Variants in DENND5B observed in about 807,000 individuals in gnomAD.
The protein encoded by DENND5B is DENN domain containing 5B, also known as DENN domain-containing protein 5B.
DENND5B carries 34 observed loss-of-function variants against 140.6 expected under a neutral mutation model. The ratio of observed to expected loss-of-function variants is 0.24; its 90% CI spans 0.18 to 0.32. DENND5B has a LOEUF of 0.32. Among genes scored for constraint, DENND5B ranks in the 10% least tolerant of loss-of-function variants. The pLI, the probability that DENND5B is intolerant of heterozygous loss-of-function variation, is 1.00. For synonymous variants in DENND5B, 551 were observed against 562.1 expected (o/e 0.98, Z 0.28); for missense variants, 1,142 against 1,560.2 (o/e 0.73, Z 4.52).
chr12:31,448,172 C>T (rs1020667588), intron 5 of DENND5B, among the ~76,000 whole-genome samples: 2 of 151,478 alleles, frequency 1.3e-5, no homozygotes, highest in African/African-American at 2.4e-5. Context: ...CTCGCTCTGT[C>T]GCCCAGGCTG....
intron 4 of DENND5B, among the ~76,000 whole-genome samples, chr12:31,453,414 G>A (rs1593203964): frequency 6.6e-6 from 1 of 152,262 alleles, no homozygotes; most frequent in East Asian, 1.9e-4. Flanking sequence ...CCAAGCATAT[G>A]TATAAAGTTC....
At chr12:31,555,418 T>C (rs1408689455) in intron 1 of DENND5B, among the ~76,000 whole-genome samples, 3 of 152,170 alleles carry the variant, frequency 2.0e-5, no homozygotes, top group Admixed American at 6.5e-5. Context: ...TCTGGAAGTT[T>C]TGTCTCAGAG....
intron 1 of DENND5B, among the ~76,000 whole-genome samples, chr12:31,567,739 A>G (rs917195495): frequency 4.0e-5 from 6 of 151,398 alleles, no homozygotes; most frequent in Non-Finnish European, 8.8e-5. Flanking sequence ...TGAGCCCAGG[A>G]GATTAAGGCT....
At chr12:31,471,787 A>G (rs1246166281) in intron 3 of DENND5B, among the ~76,000 whole-genome samples, 3 of 152,174 alleles carry the variant, frequency 2.0e-5, no homozygotes, top group Non-Finnish European at 4.4e-5. Context: ...ACAATCACAG[A>G]TGGCTATATG....
chr12:31,517,668 C>T (rs1023674726), intron 1 of DENND5B, among the ~76,000 whole-genome samples: 4 of 152,188 alleles, frequency 2.6e-5, no homozygotes, highest in Admixed American at 2.6e-4. Flanking sequence ...TAAGTCTCCT[C>T]ATTTCCCAGC....
At chr12:31,412,878 A>G (rs905441592) in intron 13 of DENND5B, among the ~76,000 whole-genome samples, 2 of 152,174 alleles carry the variant, frequency 1.3e-5, no homozygotes, top group African/African-American at 4.8e-5. Flanking sequence ...TGTTACTGTC[A>G]GCTTGTGTGA....
At chr12:31,552,430 T>C (rs1234867807) in intron 1 of DENND5B, among the ~76,000 whole-genome samples, 2 of 152,246 alleles carry the variant, frequency 1.3e-5, no homozygotes, top group African/African-American at 2.4e-5. Flanking sequence ...TCATAGTGGA[T>C]AAGCTTTTTG....
chr12:31,393,632 A>T (rs1941267287), intron 17 of DENND5B, among the ~76,000 whole-genome samples: 1 of 152,238 alleles, frequency 6.6e-6, no homozygotes, highest in South Asian at 2.1e-4. Flanking sequence ...AAACCCATAC[A>T]TCCTCATGTT....
intron 1 of DENND5B, among the ~76,000 whole-genome samples, chr12:31,505,421 G>A (rs904732822): frequency 2.0e-5 from 3 of 151,868 alleles, no homozygotes; most frequent in Non-Finnish European, 4.4e-5. Flanking sequence ...AGTTTTAGTA[G>A]AGACAGGATT....
At chr12:31,480,293 C>T (rs368583961) in intron 2 of DENND5B, 38 bp from the exon 3 acceptor site, 3 of 1,431,878 alleles carry the variant, frequency 2.1e-6, no homozygotes, top group Non-Finnish European at 2.7e-6. Context: ...GAATGCAGTA[C>T]ACAAATAACT....
At chr12:31,571,540 A>G (rs1209818386) in intron 1 of DENND5B, among the ~76,000 whole-genome samples, 2 of 152,128 alleles carry the variant, frequency 1.3e-5, no homozygotes, top group African/African-American at 4.8e-5. Flanking sequence ...TATCTCTCAA[A>G]AGTAAACACC....
intron 1 of DENND5B, chr12:31,534,746 A>G (rs1283617204): frequency 1.4e-5 from 5 of 361,458 alleles, no homozygotes; most frequent in Non-Finnish European, 2.2e-5. Context: ...ATAGCCTTCC[A>G]CCATTACAAA....
intron 13 of DENND5B, among the ~76,000 whole-genome samples, chr12:31,412,710 CAGA>C (rs1942528354): frequency 6.6e-6 from 1 of 152,196 alleles, no homozygotes; most frequent in Admixed American, 6.5e-5. Context: ...GCAAGGCTCT[CAGA>C]AGAAGCCCTT....
intron 1 of DENND5B, among the ~76,000 whole-genome samples, chr12:31,551,500 G>T (rs1022193599): frequency 9.9e-5 from 15 of 152,174 alleles, no homozygotes; most frequent in Non-Finnish European, 2.2e-4. Context: ...GTAGCGTGAT[G>T]CCTCCAGCTT....
At chr12:31,391,171 T>G (rs1941121946) in intron 19 of DENND5B, among the ~76,000 whole-genome samples, 1 of 152,044 alleles carries the variant, frequency 6.6e-6, no homozygotes, top group South Asian at 2.1e-4. Flanking sequence ...TCCCCCAATC[T>G]CCTACTTTCT....
chr12:31,407,738 C>T (rs550021899), intron 14 of DENND5B, among the ~76,000 whole-genome samples: 35 of 152,182 alleles, frequency 2.3e-4, no homozygotes, highest in Non-Finnish European at 4.6e-4. Flanking sequence ...AGGTAACTAG[C>T]ACACACAGAG....
chr12:31,580,952 T>C (rs1950192338), intron 1 of DENND5B, among the ~76,000 whole-genome samples: 1 of 151,804 alleles, frequency 6.6e-6, no homozygotes, highest in Non-Finnish European at 1.5e-5. Flanking sequence ...AAAAATTTTT[T>C]TAATCAGTCA....
At chr12:31,470,406 G>T (rs981496004) in intron 3 of DENND5B, among the ~76,000 whole-genome samples, 1 of 151,678 alleles carries the variant, frequency 6.6e-6, no homozygotes, top group African/African-American at 2.4e-5. Flanking sequence ...GATACACTGT[G>T]CCCGGCCTTA....
At chr12:31,391,497 C>T (rs985938272) in intron 19 of DENND5B, among the ~76,000 whole-genome samples, 2 of 152,084 alleles carry the variant, frequency 1.3e-5, no homozygotes, top group Non-Finnish European at 2.9e-5. Context: ...TGTTTGTTTC[C>T]CACACCGACC....
Sources: gnomAD v4.1 joint callset for allele counts (sites outside exome capture counted in the v4.1 genomes callset) on GRCh38, gnomAD v4.1.1 for gene constraint, MANE v1.5 for transcripts, NCBI Gene and HGNC (gene_info 2026-07-23, HGNC 2026-07-21) for gene names.